FBXL7: variants seen among roughly 807,000 people sequenced by gnomAD.
FBXL7 encodes F-box/LRR-repeat protein 7.
Under a neutral mutation model 38.3 loss-of-function variants are expected in FBXL7, and 12 were observed. The observed-to-expected ratio is 0.31, with a 90% confidence interval of 0.20 to 0.51. FBXL7 has a LOEUF of 0.51. Among genes scored for constraint, FBXL7 ranks in the 20% least tolerant of loss-of-function variants. The probability of loss-of-function intolerance (pLI) is 0.98; values close to 1 mark genes in which losing one functional copy is unlikely to be tolerated. For synonymous variants in FBXL7, 297 were observed against 300.9 expected, an observed-to-expected ratio of 0.99 and a Z score of 0.13; for missense variants, 567 against 676.4, an observed-to-expected ratio of 0.84 and a Z score of 1.79.
chr5:15,937,704 A>G lies in FBXL7; in HGVS notation c.*518A>G, dbSNP rs1742239245. 1 of 154,738 alleles carries G rather than the reference A, an allele frequency of 6.5e-6. No homozygotes were observed. The highest frequency in any genetic ancestry group is 1.4e-5 in the Non-Finnish European group (1 of 69,744). The allele number at this position is 154,738 out of a possible 1,614,324, so 9.6% of individuals were successfully genotyped here. On this transcript the variant is annotated 3_prime_UTR_variant, in exon 4 of 4. Coordinates refer to ENST00000504595, the MANE Select transcript of FBXL7 (RefSeq NM_012304.5). ...TGGACATTCTTGTCAACTCAATACC[A>G]TAGCACTTTGCATAGGCAAAATACT... is the stretch of plus-strand genomic sequence containing the variant.
chr5:15,797,847 C>T (rs1416391058), intron 2 of FBXL7, among the ~76,000 whole-genome samples: 1 of 152,154 alleles, frequency 6.6e-6, no homozygotes, highest in Non-Finnish European at 1.5e-5. Flanking sequence ...CGTTTATGCT[C>T]CTGAAAGAAA....
intron 2 of FBXL7, among the ~76,000 whole-genome samples, chr5:15,868,821 C>G (rs1739828878): frequency 6.6e-6 from 1 of 152,178 alleles, no homozygotes; most frequent in Non-Finnish European, 1.5e-5. Context: ...CATCCCTCAC[C>G]CCCAACCTCA....
At chr5:15,594,440 T>C (rs1270658939) in intron 1 of FBXL7, among the ~76,000 whole-genome samples, 1 of 151,130 alleles carries the variant, frequency 6.6e-6, no homozygotes, top group East Asian at 1.9e-4. Context: ...GTAAGGGAGG[T>C]ATATTTTGCG....
At chr5:15,526,607 G>A (rs1411834540) in intron 1 of FBXL7, among the ~76,000 whole-genome samples, 3 of 152,090 alleles carry the variant, frequency 2.0e-5, no homozygotes, top group Admixed American at 2.0e-4. Flanking sequence ...AAAGGAACAT[G>A]GCAAGTGCTT....
intron 2 of FBXL7, among the ~76,000 whole-genome samples, chr5:15,748,670 C>G (rs1431823718): frequency 6.6e-6 from 1 of 152,164 alleles, no homozygotes; most frequent in Non-Finnish European, 1.5e-5. Context: ...TTATTAGCAG[C>G]ATGAGAACAG....
intron 2 of FBXL7, among the ~76,000 whole-genome samples, chr5:15,883,886 T>A (rs35573147): frequency 6.6e-6 from 1 of 151,970 alleles, no homozygotes; most frequent in African/African-American, 2.4e-5. Flanking sequence ...TAAATACTTA[T>A]GGGATTAATT....
intron 2 of FBXL7, among the ~76,000 whole-genome samples, chr5:15,641,502 A>ATT (rs201635639): frequency 0.092 from 13,151 of 143,246 alleles, 673 homozygotes; most frequent in South Asian, 0.14. Flanking sequence ...TATGACTGCC[A>ATT]TTTTTTTTTT....
intron 1 of FBXL7, among the ~76,000 whole-genome samples, chr5:15,520,402 G>A (rs1247048843): frequency 6.6e-6 from 1 of 152,186 alleles, no homozygotes; most frequent in Non-Finnish European, 1.5e-5. Context: ...TAGTTCTAAA[G>A]TTGGCGGGGG....
intron 1 of FBXL7, among the ~76,000 whole-genome samples, chr5:15,594,706 CAG>C (rs1484494591): frequency 6.6e-6 from 1 of 152,240 alleles, no homozygotes; most frequent in African/African-American, 2.4e-5. Context: ...ATCAGGTTTT[CAG>C]AGTTATAGAC....
intron 2 of FBXL7, among the ~76,000 whole-genome samples, chr5:15,722,436 C>T (rs1744224154): frequency 6.6e-6 from 1 of 152,090 alleles, no homozygotes; most frequent in African/African-American, 2.4e-5. Flanking sequence ...AGTTGTTAAC[C>T]TCGGCTATTC....
intron 1 of FBXL7, among the ~76,000 whole-genome samples, chr5:15,504,975 G>A (rs1468213451): frequency 1.3e-5 from 2 of 152,086 alleles, no homozygotes; most frequent in African/African-American, 4.8e-5. Context: ...GTTGAATTGG[G>A]GCTGATGAGA....
intron 2 of FBXL7, among the ~76,000 whole-genome samples, chr5:15,776,685 A>G (rs1736865189): frequency 6.6e-6 from 1 of 152,174 alleles, no homozygotes; most frequent in Non-Finnish European, 1.5e-5. Context: ...TATGTTTCTT[A>G]TAACTTCATG....
chr5:15,703,981 G>C (rs1018652235), intron 2 of FBXL7, among the ~76,000 whole-genome samples: 1 of 152,170 alleles, frequency 6.6e-6, no homozygotes, highest in Admixed American at 6.5e-5. Context: ...TCATTTCTCA[G>C]CTGCGTCCTT....
At chr5:15,526,180 A>G (rs1737246430) in intron 1 of FBXL7, among the ~76,000 whole-genome samples, 1 of 152,042 alleles carries the variant, frequency 6.6e-6, no homozygotes, top group Non-Finnish European at 1.5e-5. Flanking sequence ...AGACAGGATG[A>G]GCAACATTTC....
intron 2 of FBXL7, among the ~76,000 whole-genome samples, chr5:15,659,594 A>G (rs1233576324): frequency 6.6e-6 from 1 of 152,236 alleles, no homozygotes; most frequent in South Asian, 2.1e-4. Context: ...CCACACATAA[A>G]TACAAACAAG....
intron 2 of FBXL7, among the ~76,000 whole-genome samples, chr5:15,737,601 T>C (rs1735789328): frequency 6.6e-6 from 1 of 152,178 alleles, no homozygotes; most frequent in Non-Finnish European, 1.5e-5. Context: ...AAATGTATTT[T>C]GTTAATTGCA....
chr5:15,677,142 A>G (rs1255562060), intron 2 of FBXL7, among the ~76,000 whole-genome samples: 1 of 152,206 alleles, frequency 6.6e-6, no homozygotes, highest in Non-Finnish European at 1.5e-5. Context: ...TTTTTGGGGT[A>G]GAGAAGTAGT....
At chr5:15,795,804 C>G in intron 2 of FBXL7, among the ~76,000 whole-genome samples, 1 of 152,078 alleles carries the variant, frequency 6.6e-6, no homozygotes, top group Non-Finnish European at 1.5e-5. Context: ...ATATGTTTGC[C>G]TATTCAGAGA....
At chr5:15,929,625 GAA>G (rs60269538) in intron 3 of FBXL7, among the ~76,000 whole-genome samples, 23 of 113,522 alleles carry the variant, frequency 2.0e-4, no homozygotes, top group South Asian at 5.8e-4. Flanking sequence ...CCCTGTCTCT[GAA>G]AAAAAAAAAA....
Sources: gnomAD v4.1 joint callset for allele counts (sites outside exome capture counted in the v4.1 genomes callset) on GRCh38, gnomAD v4.1.1 for gene constraint, MANE v1.5 for transcripts, NCBI Gene and HGNC (gene_info 2026-07-23, HGNC 2026-07-21) for gene names.